The following SPATS2L variants were observed in gnomAD, a reference collection of about 807,000 sequenced individuals.
SPATS2L encodes the protein SPATS2-like protein.
Under a neutral mutation model 59.6 loss-of-function variants are expected in SPATS2L, and 30 were observed. The ratio of observed to expected loss-of-function variants is 0.50; its 90% CI spans 0.38 to 0.68. The LOEUF (loss-of-function observed/expected upper bound fraction) is 0.68. Among genes scored for constraint, SPATS2L ranks in the 30% least tolerant of loss-of-function variants. The pLI is 0.00. For missense variants in SPATS2L, 615 were observed against 700.0 expected (o/e 0.88, Z 1.37); for synonymous variants, 252 against 263.5 (o/e 0.96, Z 0.42).
intron 8 of SPATS2L, among the ~76,000 whole-genome samples, chr2:200,447,149 G>A (rs2085103419): frequency 6.6e-6 from 1 of 152,196 alleles, no homozygotes; most frequent in Non-Finnish European, 1.5e-5. Flanking sequence ...GTGGGGACCA[G>A]GATTAGGATG....
At chr2:200,311,820 GA>G (rs939891929) in intron 1 of SPATS2L, among the ~76,000 whole-genome samples, 2 of 152,244 alleles carry the variant, frequency 1.3e-5, no homozygotes, top group African/African-American at 2.4e-5. Flanking sequence ...GCTCAGAAGG[GA>G]AAAAAATCTG....
At chr2:200,316,148 G>A (rs139969747) in intron 1 of SPATS2L, among the ~76,000 whole-genome samples, 1 of 152,126 alleles carries the variant, frequency 6.6e-6, no homozygotes, top group South Asian at 2.1e-4. Context: ...CCTGGAAGAG[G>A]TGATGGGAAG....
intron 1 of SPATS2L, chr2:200,308,856 CAA>C: frequency 1.8e-6 from 1 of 552,800 alleles, no homozygotes; most frequent in South Asian, 2.7e-5. Flanking sequence ...GCAAAATGAT[CAA>C]GACTCCTTTT....
chr2:200,316,414 T>C (rs2079380653), intron 1 of SPATS2L, among the ~76,000 whole-genome samples: 1 of 152,230 alleles, frequency 6.6e-6, no homozygotes, highest in Non-Finnish European at 1.5e-5. Context: ...TCCTACATTA[T>C]AGAAAATGGC....
chr2:200,373,079 A>T (rs2081480941), intron 2 of SPATS2L: 1 of 152,220 alleles, frequency 6.6e-6, no homozygotes. Context: ...CAAGAGGCTG[A>T]TTATTCAGAG....
At chr2:200,435,544 C>T (rs1450426155) in intron 6 of SPATS2L, among the ~76,000 whole-genome samples, 1 of 152,124 alleles carries the variant, frequency 6.6e-6, no homozygotes, top group Non-Finnish European at 1.5e-5. Context: ...CGTAGGCATG[C>T]ATAGCACTGA....
chr2:200,320,050 A>G (rs1171523377), intron 1 of SPATS2L, among the ~76,000 whole-genome samples: 1 of 152,190 alleles, frequency 6.6e-6, no homozygotes, highest in Admixed American at 6.5e-5. Flanking sequence ...CAGGCCAAAG[A>G]TAGGGCCCTG....
At chr2:200,328,282 A>G (rs1384042667) in intron 1 of SPATS2L, among the ~76,000 whole-genome samples, 2 of 152,154 alleles carry the variant, frequency 1.3e-5, no homozygotes, top group African/African-American at 2.4e-5. Context: ...AGGTCATTAC[A>G]AAGTGTAGGC....
At chr2:200,385,031 A>G (rs2081947422) in intron 2 of SPATS2L, among the ~76,000 whole-genome samples, 1 of 152,214 alleles carries the variant, frequency 6.6e-6, no homozygotes, top group South Asian at 2.1e-4. Context: ...ATTTTAAATG[A>G]TAATAACAAG....
intron 2 of SPATS2L, among the ~76,000 whole-genome samples, chr2:200,347,035 T>C (rs939692422): frequency 2.0e-5 from 3 of 152,186 alleles, no homozygotes; most frequent in Admixed American, 6.5e-5. Flanking sequence ...TAATGAAAGA[T>C]TTTACAAACC....
chr2:200,383,955 A>G, intron 2 of SPATS2L: 1 of 1,002,246 alleles, frequency 1.0e-6, no homozygotes, highest in Non-Finnish European at 1.2e-6. Flanking sequence ...AAACTTTATT[A>G]CTGCCTACAC....
intron 2 of SPATS2L, among the ~76,000 whole-genome samples, chr2:200,384,309 G>A (rs1284420098): frequency 6.6e-6 from 1 of 151,852 alleles, no homozygotes; most frequent in Non-Finnish European, 1.5e-5. Context: ...GAAGTGATTG[G>A]TGGTAACCAT....
chr2:200,309,148 C>T (rs1420063835), intron 1 of SPATS2L: 1 of 717,220 alleles, frequency 1.4e-6, no homozygotes, highest in African/African-American at 1.7e-5. Context: ...ACTTTGGGGC[C>T]TAATTTTTGT....
At chr2:200,433,294 A>G (rs2084062384) in intron 6 of SPATS2L, among the ~76,000 whole-genome samples, 1 of 152,112 alleles carries the variant, frequency 6.6e-6, no homozygotes, top group Non-Finnish European at 1.5e-5. Flanking sequence ...CAGTAAGAAC[A>G]TAGACGATTT....
chr2:200,394,739 T>C (rs2105937305), intron 3 of SPATS2L, among the ~76,000 whole-genome samples: 1 of 152,360 alleles, frequency 6.6e-6, no homozygotes, highest in African/African-American at 2.4e-5. Flanking sequence ...CTTTTTGCTA[T>C]TAAATAAAGC....
At chr2:200,378,942 C>T (rs2081698841) in intron 2 of SPATS2L, among the ~76,000 whole-genome samples, 1 of 152,196 alleles carries the variant, frequency 6.6e-6, no homozygotes, top group Admixed American at 6.5e-5. Flanking sequence ...GCCCCATCCC[C>T]AGCCCCGCTA....
chr2:200,322,105 A>T (rs142813625), intron 1 of SPATS2L, among the ~76,000 whole-genome samples: 1 of 152,322 alleles, frequency 6.6e-6, no homozygotes, highest in Non-Finnish European at 1.5e-5. Flanking sequence ...GACTTACTCA[A>T]TATAGTACCT....
At chr2:200,474,103 CTT>C (rs559587714) in intron 12 of SPATS2L, among the ~76,000 whole-genome samples, 2 of 144,316 alleles carry the variant, frequency 1.4e-5, no homozygotes, top group African/African-American at 2.5e-5. Flanking sequence ...AAAGTCTTTT[CTT>C]TTTTTTTTTT....
chr2:200,378,091 C>A, intron 2 of SPATS2L: 1 of 323,070 alleles, frequency 3.1e-6, no homozygotes, highest in Non-Finnish European at 4.5e-6. Flanking sequence ...GGCAGTTTCA[C>A]AAAAAGGGAA....
Sources: gnomAD v4.1 joint callset for allele counts (sites outside exome capture counted in the v4.1 genomes callset) on GRCh38, gnomAD v4.1.1 for gene constraint, MANE v1.5 for transcripts, NCBI Gene and HGNC (gene_info 2026-07-23, HGNC 2026-07-21) for gene names.